The following PPP2R3A variants were observed in gnomAD, a reference collection of about 807,000 sequenced individuals.
PPP2R3A encodes the protein serine/threonine-protein phosphatase 2A regulatory subunit B'' subunit alpha.
In PPP2R3A, 80 loss-of-function variants were observed where a neutral mutation model predicts 106.9. The ratio of observed to expected loss-of-function variants is 0.75; its 90% confidence interval spans 0.62 to 0.90. The LOEUF (loss-of-function observed/expected upper bound fraction) is 0.90. Among genes scored for constraint, PPP2R3A ranks in the 40% least tolerant of loss-of-function variants. The pLI, the probability that PPP2R3A is intolerant of heterozygous loss-of-function variation, is 0.00. For missense variants in PPP2R3A, 1,386 were observed against 1,350.4 expected (o/e 1.03, Z -0.41); for synonymous variants, 483 against 468.3 (o/e 1.03, Z -0.41).
intron 1 of PPP2R3A, among the ~76,000 whole-genome samples, chr3:136,000,790 GCTT>G (rs1018638534): frequency 6.6e-6 from 1 of 152,138 alleles, no homozygotes; most frequent in Admixed American, 6.5e-5. Flanking sequence ...GTAAATCTAA[GCTT>G]CTTAATATCA....
At chr3:136,086,769 C>A (rs1936945530) in intron 8 of PPP2R3A, among the ~76,000 whole-genome samples, 1 of 152,166 alleles carries the variant, frequency 6.6e-6, no homozygotes, top group South Asian at 2.1e-4. Flanking sequence ...TCCCAACTTT[C>A]TTTGGCCAAA....
At chr3:136,017,874 T>C (rs1320358377) in intron 2 of PPP2R3A, among the ~76,000 whole-genome samples, 2 of 152,238 alleles carry the variant, frequency 1.3e-5, no homozygotes, top group Non-Finnish European at 2.9e-5. Flanking sequence ...TTATTCCAAC[T>C]GCCTTTCCTA....
At position 136,146,016 on chromosome 3, in the gene PPP2R3A, AAT is replaced by A. The variant is rs1175318556; in HGVS notation, c.*851_*852del. On this transcript the variant is annotated 3_prime_UTR_variant, in exon 14 of 14. Transcript: ENST00000264977. ...GGCCTGCTTGAAGACATAAAGGAAT[AAT>A]GATACATTAAAATTCTTACTAGATA... The A allele has an allele frequency of 6.6e-6, 1 of 152,180 alleles. No individual in the cohort carries two copies. 9.4% of individuals were successfully genotyped at this position (152,180 alleles called of 1,614,324 possible). A position where few individuals can be genotyped will look rare whatever the true frequency, so the allele number is the denominator to read the frequency against.
intron 10 of PPP2R3A, among the ~76,000 whole-genome samples, chr3:136,100,866 A>G (rs1937343204): frequency 6.6e-6 from 1 of 152,078 alleles, no homozygotes; most frequent in African/African-American, 2.4e-5. Flanking sequence ...AAACACCACA[A>G]ACCTCTAATT....
intron 5 of PPP2R3A, among the ~76,000 whole-genome samples, chr3:136,060,775 G>A (rs533114298): frequency 6.6e-6 from 1 of 152,162 alleles, no homozygotes; most frequent in African/African-American, 2.4e-5. Flanking sequence ...GTCAATCAAA[G>A]GATACAAAAT....
intron 12 of PPP2R3A, among the ~76,000 whole-genome samples, chr3:136,104,567 A>G (rs1394488036): frequency 6.6e-6 from 1 of 152,128 alleles, no homozygotes; most frequent in Non-Finnish European, 1.5e-5. Flanking sequence ...AGGCCTCCCA[A>G]AGTGCTGGGA....
At chr3:136,063,129 C>T (rs1576473273) in intron 5 of PPP2R3A, among the ~76,000 whole-genome samples, 1 of 152,120 alleles carries the variant, frequency 6.6e-6, no homozygotes, top group Non-Finnish European at 1.5e-5. Flanking sequence ...TATCTACAAC[C>T]ATCTGATCTT....
At chr3:136,043,195 C>T (rs1576457250) in intron 4 of PPP2R3A, among the ~76,000 whole-genome samples, 1 of 151,900 alleles carries the variant, frequency 6.6e-6, no homozygotes, top group African/African-American at 2.4e-5. Flanking sequence ...CGTGGTGGCT[C>T]ACGCCTGTAA....
intron 1 of PPP2R3A, among the ~76,000 whole-genome samples, chr3:135,987,059 C>A (rs1343253449): frequency 6.6e-6 from 1 of 152,130 alleles, no homozygotes. Context: ...TTTCTCAACA[C>A]CTATCTGACT....
intron 2 of PPP2R3A, among the ~76,000 whole-genome samples, chr3:136,012,479 A>G (rs1202347069): frequency 6.6e-6 from 1 of 152,222 alleles, no homozygotes; most frequent in East Asian, 1.9e-4. Context: ...TCTATCATAC[A>G]CATGCTTTCC....
intron 10 of PPP2R3A, among the ~76,000 whole-genome samples, chr3:136,100,513 TAAA>T (rs778637778): frequency 1.4e-5 from 2 of 139,158 alleles, no homozygotes; most frequent in African/African-American, 2.6e-5. Context: ...CGTCTCTCCT[TAAA>T]AAAAAAAAAA....
At chr3:136,036,007 G>T (rs1017103983) in intron 3 of PPP2R3A, among the ~76,000 whole-genome samples, 1 of 151,746 alleles carries the variant, frequency 6.6e-6, no homozygotes, top group South Asian at 2.1e-4. Context: ...TGCTTGTTCA[G>T]TTCCATTGCT....
intron 5 of PPP2R3A, among the ~76,000 whole-genome samples, chr3:136,057,118 A>G (rs888978078): frequency 2.0e-5 from 3 of 152,052 alleles, no homozygotes; most frequent in African/African-American, 4.8e-5. Context: ...TACAGCTACT[A>G]TGGAGAATAG....
Position 135,983,190 on chromosome 3 carries a change from T to G in PPP2R3A, c.-441+17341T>G, listed in dbSNP as rs145820743. ...GCTCAAAGTAATCTGCATTTTCTTC[T>G]TACAGATATTTCCACTGGGCTTTTG... is the stretch of plus-strand genomic sequence containing the variant. On this transcript the variant is annotated intron_variant, in intron 1 of 13. Coordinates refer to ENST00000264977, the MANE Select transcript of PPP2R3A (RefSeq NM_002718.5). 3.5e-4 allele frequency among the ~76,000 whole-genome samples: 53 copies of G among 152,356 alleles called. No homozygotes were observed. In the East Asian group the frequency reaches 0.01, roughly 29 times the overall value.
At chr3:136,142,345 C>A (rs1938911645) in intron 13 of PPP2R3A, among the ~76,000 whole-genome samples, 1 of 152,134 alleles carries the variant, frequency 6.6e-6, no homozygotes, top group South Asian at 2.1e-4. Context: ...GACATGTCTC[C>A]AGACATGCCC....
intron 7 of PPP2R3A, chr3:136,079,075 T>A: frequency 2.7e-6 from 1 of 367,748 alleles, no homozygotes; most frequent in Non-Finnish European, 5.5e-6. Flanking sequence ...TTTTTAAGAA[T>A]CATACTAAAT....
intron 4 of PPP2R3A, among the ~76,000 whole-genome samples, chr3:136,044,058 A>G (rs1448256420): frequency 6.6e-6 from 1 of 152,186 alleles, no homozygotes; most frequent in Non-Finnish European, 1.5e-5. Flanking sequence ...ATATATAAGT[A>G]GTTCTTTTGA....
At chr3:136,040,600 G>GA (rs1478536776) in intron 3 of PPP2R3A, among the ~76,000 whole-genome samples, 1 of 152,138 alleles carries the variant, frequency 6.6e-6, no homozygotes, top group Non-Finnish European at 1.5e-5. Context: ...TTGGAGGAGG[G>GA]AATCACTTTA....
intron 5 of PPP2R3A, among the ~76,000 whole-genome samples, chr3:136,065,438 C>T (rs1182922356): frequency 6.6e-6 from 1 of 152,056 alleles, no homozygotes; most frequent in Non-Finnish European, 1.5e-5. Context: ...TGCTTTTATA[C>T]TGTGTGTATA....
Sources: allele counts gnomAD v4.1 joint callset (sites outside exome capture counted in the v4.1 genomes callset), GRCh38; gene constraint gnomAD v4.1.1; transcripts MANE v1.5; gene names NCBI Gene and HGNC (gene_info 2026-07-23, HGNC 2026-07-21).